Variants in MLLT3 observed in about 807,000 individuals in gnomAD.
MLLT3 encodes the protein MLLT3 super elongation complex subunit, also known as protein AF-9.
In MLLT3, 4 loss-of-function variants were observed where a neutral mutation model predicts 53.2. That is an observed-to-expected ratio of 0.08 (90% CI 0.04 to 0.17). The LOEUF (loss-of-function observed/expected upper bound fraction) is 0.17, where lower values mean the gene tolerates loss of function less well. Ranked by LOEUF, MLLT3 falls within the 10% of genes least tolerant of loss-of-function variation. MLLT3 has a pLI of 1.00. For missense variants in MLLT3, 569 were observed against 684.0 expected (o/e 0.83, Z 1.87); for synonymous variants, 283 against 230.6 (o/e 1.23, Z -2.06).
chr9:20,417,433 G>A (rs1050051196), intron 4 of MLLT3, among the ~76,000 whole-genome samples: 1 of 149,368 alleles, frequency 6.7e-6, no homozygotes, highest in Non-Finnish European at 1.5e-5. Context: ...CTTGTCACTG[G>A]CTTTTTAAAT....
At chr9:20,526,616 A>G (rs1189488921) in intron 2 of MLLT3, among the ~76,000 whole-genome samples, 5 of 152,220 alleles carry the variant, frequency 3.3e-5, no homozygotes. Flanking sequence ...TATTATAAGT[A>G]GTACTCTAGA....
intron 2 of MLLT3, among the ~76,000 whole-genome samples, chr9:20,556,706 A>T (rs1291611385): frequency 6.6e-6 from 1 of 152,030 alleles, no homozygotes; most frequent in Non-Finnish European, 1.5e-5. Context: ...AAATAAATAA[A>T]AGTTGGGGGA....
intron 2 of MLLT3, among the ~76,000 whole-genome samples, chr9:20,465,921 C>T (rs1824227397): frequency 6.6e-6 from 1 of 152,104 alleles, no homozygotes; most frequent in South Asian, 2.1e-4. Flanking sequence ...TTTAGGCTGA[C>T]AATCTTTCAA....
At chr9:20,580,757 C>G (rs1053639193) in intron 2 of MLLT3, among the ~76,000 whole-genome samples, 12 of 152,138 alleles carry the variant, frequency 7.9e-5, no homozygotes, top group Non-Finnish European at 1.2e-4. Flanking sequence ...AGTCAAAATT[C>G]ATTTTTGTAT....
At chr9:20,516,862 A>T (rs568218206) in intron 2 of MLLT3, among the ~76,000 whole-genome samples, 1 of 152,242 alleles carries the variant, frequency 6.6e-6, no homozygotes, top group African/African-American at 2.4e-5. Flanking sequence ...GAGATAATTT[A>T]AAATGTATTA....
intron 5 of MLLT3, among the ~76,000 whole-genome samples, chr9:20,373,924 T>C (rs1017973446): frequency 2.7e-5 from 4 of 147,882 alleles, no homozygotes; most frequent in African/African-American, 1.1e-4. Flanking sequence ...CTTCTCACAG[T>C]TTTGGTCCTT....
chr9:20,511,343 C>T (rs943596595), intron 2 of MLLT3, among the ~76,000 whole-genome samples: 7 of 152,032 alleles, frequency 4.6e-5, no homozygotes, highest in Non-Finnish European at 1.0e-4. Context: ...TATGCAAATA[C>T]AAACATATGC....
chr9:20,477,148 G>C (rs535723064), intron 2 of MLLT3, among the ~76,000 whole-genome samples: 1 of 152,146 alleles, frequency 6.6e-6, no homozygotes, highest in East Asian at 1.9e-4. Flanking sequence ...CTTGGACTTA[G>C]ACCCTATTTG....
At chr9:20,460,965 CAGA>C (rs1381738983) in intron 2 of MLLT3, among the ~76,000 whole-genome samples, 6 of 152,254 alleles carry the variant, frequency 3.9e-5, no homozygotes, top group African/African-American at 1.4e-4. Context: ...TCAACTGGGC[CAGA>C]AGATCTCTAA....
intron 2 of MLLT3, among the ~76,000 whole-genome samples, chr9:20,475,063 G>A (rs537607316): frequency 7.8e-4 from 118 of 152,048 alleles, no homozygotes; most frequent in Admixed American, 6.6e-4. Context: ...AGAAATGGCC[G>A]GGGGGTGGGA....
At chr9:20,543,746 G>A (rs1297828771) in intron 2 of MLLT3, among the ~76,000 whole-genome samples, 1 of 151,072 alleles carries the variant, frequency 6.6e-6, no homozygotes. Context: ...GGAGGAGGAG[G>A]ATAAAAGGAA....
At chr9:20,547,975 G>A (rs1035279181) in intron 2 of MLLT3, among the ~76,000 whole-genome samples, 1 of 151,930 alleles carries the variant, frequency 6.6e-6, no homozygotes, top group African/African-American at 2.4e-5. Context: ...AATAAAAGTT[G>A]GTACATATTT....
intron 5 of MLLT3, among the ~76,000 whole-genome samples, chr9:20,378,411 G>C (rs1044560232): frequency 6.6e-6 from 1 of 151,924 alleles, no homozygotes; most frequent in Non-Finnish European, 1.5e-5. Flanking sequence ...CCAGATTTTT[G>C]TCATTTTACA....
chr9:20,423,409 G>A (rs1563960243), intron 4 of MLLT3, among the ~76,000 whole-genome samples: 1 of 152,126 alleles, frequency 6.6e-6, no homozygotes, highest in Admixed American at 6.5e-5. Flanking sequence ...TCCAGTAGAG[G>A]GGGTAAAATA....
chr9:20,351,134 G>A (rs1821017941), intron 10 of MLLT3, among the ~76,000 whole-genome samples: 1 of 152,208 alleles, frequency 6.6e-6, no homozygotes, highest in Admixed American at 6.5e-5. Context: ...TAATTTCCCA[G>A]GATGGAGAAC....
At chr9:20,510,023 TA>T (rs1447368736) in intron 2 of MLLT3, among the ~76,000 whole-genome samples, 2 of 152,168 alleles carry the variant, frequency 1.3e-5, no homozygotes, top group African/African-American at 4.8e-5. Context: ...TTATAAACCC[TA>T]AAATTCTATT....
intron 9 of MLLT3, among the ~76,000 whole-genome samples, chr9:20,354,242 C>A (rs967519840): frequency 2.0e-5 from 3 of 152,172 alleles, no homozygotes; most frequent in Non-Finnish European, 2.9e-5. Context: ...AGAGGGGGTA[C>A]CTCTCTTTCC....
chr9:20,574,707 G>C (rs1400736209), intron 2 of MLLT3, among the ~76,000 whole-genome samples: 1 of 152,110 alleles, frequency 6.6e-6, no homozygotes, highest in African/African-American at 2.4e-5. Context: ...GACTAATCAG[G>C]GTGGTGGGTG....
chr9:20,505,687 G>A (rs998138084), intron 2 of MLLT3, among the ~76,000 whole-genome samples: 2 of 152,206 alleles, frequency 1.3e-5, no homozygotes, highest in East Asian at 3.9e-4. Context: ...GGACTATCGT[G>A]ACACACATTT....
Sources: gnomAD v4.1 joint callset for allele counts (sites outside exome capture counted in the v4.1 genomes callset) on GRCh38, gnomAD v4.1.1 for gene constraint, MANE v1.5 for transcripts, NCBI Gene and HGNC (gene_info 2026-07-23, HGNC 2026-07-21) for gene names.